The following SLC7A8 variants were observed in gnomAD, a reference collection of about 807,000 sequenced individuals.
The protein encoded by SLC7A8 is solute carrier family 7 member 8.
Under a neutral mutation model 51.2 loss-of-function variants are expected in SLC7A8, and 30 were observed. The ratio of observed to expected loss-of-function variants is 0.59; its 90% CI spans 0.44 to 0.80. The LOEUF (loss-of-function observed/expected upper bound fraction) is 0.80, where lower values mean the gene tolerates loss of function less well. Ranked by LOEUF, SLC7A8 falls within the 30% of genes least tolerant of loss-of-function variation. The probability of loss-of-function intolerance (pLI) is 0.00; values close to 1 mark genes in which losing one functional copy is unlikely to be tolerated. For synonymous variants in SLC7A8, 257 were observed against 275.8 expected (o/e 0.93, Z 0.67); for missense variants, 612 against 674.4 (o/e 0.91, Z 1.03).
chr14:23,171,841 G>A (rs887828830), intron 1 of SLC7A8, among the ~76,000 whole-genome samples: 6 of 152,340 alleles, frequency 3.9e-5, no homozygotes, highest in African/African-American at 1.4e-4. Flanking sequence ...TTCCCATCGG[G>A]ACTGTACAAA....
intron 1 of SLC7A8, among the ~76,000 whole-genome samples, chr14:23,172,606 G>A (rs2048980444): frequency 6.6e-6 from 1 of 152,198 alleles, no homozygotes; most frequent in Non-Finnish European, 1.5e-5. Context: ...GGGGAGCCAG[G>A]CATCCACAGT....
intron 3 of SLC7A8, among the ~76,000 whole-genome samples, chr14:23,151,349 G>A (rs191056453): frequency 1.1e-4 from 16 of 152,308 alleles, no homozygotes; most frequent in African/African-American, 3.4e-4. Context: ...TAAATATCAG[G>A]TTTAATATGT....
In SLC7A8 at chr14:23,131,499, C is replaced by G. The variant is rs760437691; in HGVS notation, c.1075G>C (p.Val359Leu). ...HLPSVLAMIHVKRCTPIPALL... is the reference protein window; with the variant it reads ...HLPSVLAMIHLKRCTPIPALL... ...GCTGGGATTGGGGTGCAGCGCTTCACGTGGATCATGGCCAACACACTGGGA... is the reference window on the plus strand; with the variant it reads ...GCTGGGATTGGGGTGCAGCGCTTCAGGTGGATCATGGCCAACACACTGGGA... Residue 359 changes from valine to leucine, a missense_variant, in exon 8 of 11, where the codon GTG becomes CTG. Physicochemically the swap from Val to Leu is conservative, Grantham distance 32. Transcript: ENST00000316902. 4 of 1,609,438 alleles carry G rather than the reference C, an allele frequency of 2.5e-6. No homozygotes were observed. Among genetic ancestry groups the G allele is most frequent in the Non-Finnish European group, 3.4e-6 (4 of 1,178,142 alleles).
At chr14:23,155,117 G>T in intron 3 of SLC7A8, 3 of 1,503,558 alleles carry the variant, frequency 2.0e-6, no homozygotes, top group Non-Finnish European at 2.7e-6. Context: ...CCTATCGCAC[G>T]ATAGTAACAT....
At position 23,177,974 on chromosome 14, in the gene SLC7A8, TA is replaced by T. The variant is rs1332188287; in HGVS notation, c.151+4789del. On this transcript the variant is annotated intron_variant, in intron 1 of 10. Coordinates refer to ENST00000316902, the MANE Select transcript of SLC7A8 (RefSeq NM_012244.4). ...AGATAAAAATAGAAATAGTGAAGAA[TA>T]ATGCTTACAAGCTTGATTCAGGATG... Among the ~76,000 whole-genome samples, 9 of 152,362 alleles carry T rather than the reference TA, an allele frequency of 5.9e-5. No homozygotes were observed. In the East Asian group the frequency reaches 1.7e-3, roughly 29 times the overall value.
intron 7 of SLC7A8, among the ~76,000 whole-genome samples, chr14:23,135,704 A>G (rs2048684379): frequency 6.6e-6 from 1 of 151,844 alleles, no homozygotes; most frequent in South Asian, 2.1e-4. Context: ...TCTGCCTTAA[A>G]AAAAAAAGAA....
intron 4 of SLC7A8, 51 bp from the exon 5 acceptor site, chr14:23,140,675 A>G: frequency 2.5e-6 from 4 of 1,573,210 alleles, no homozygotes; most frequent in Middle Eastern, 2.1e-4. Context: ...TCAGGGGCCC[A>G]GCAGCCCCTG....
chr14:23,153,958 CA>C lies in SLC7A8; in HGVS notation c.509-10755del, dbSNP rs1247031392. On this transcript the variant is annotated intron_variant, in intron 3 of 10. Transcript: ENST00000316902. ...TGGTGAAGAAGAGAGGGAAAGAGCA[CA>C]AGAAACCACAGGGCGGGAGAGAGCA... Among the ~76,000 whole-genome samples the C allele has an allele frequency of 2.0e-5, 3 of 152,014 alleles. No homozygotes were observed. The East Asian group carries it at 5.8e-4, about 29-fold the overall frequency.
chr14:23,150,129 A>G (rs1440740301), intron 3 of SLC7A8, among the ~76,000 whole-genome samples: 1 of 152,242 alleles, frequency 6.6e-6, no homozygotes, highest in Admixed American at 6.5e-5. Flanking sequence ...TGCCTTTTGA[A>G]ATAGAACACC....
chr14:23,142,973 T>A, intron 4 of SLC7A8, 106 bp downstream of exon 4: 1 of 1,406,144 alleles, frequency 7.1e-7, no homozygotes. Flanking sequence ...AAGGCTAGAA[T>A]TGGGGAAATC....
intron 4 of SLC7A8, among the ~76,000 whole-genome samples, chr14:23,140,909 T>C (rs1346189477): frequency 5.9e-5 from 9 of 152,214 alleles, no homozygotes; most frequent in Non-Finnish European, 1.5e-5. Context: ...AAGGACATGG[T>C]AAATTGGGCT....
intron 3 of SLC7A8, among the ~76,000 whole-genome samples, chr14:23,150,427 G>T (rs554424062): frequency 6.6e-6 from 1 of 152,316 alleles, no homozygotes; most frequent in South Asian, 2.1e-4. Context: ...AAGGGAAGGA[G>T]GCAGAGTCGG....
chr14:23,173,517 T>A (rs1480257519), intron 1 of SLC7A8, among the ~76,000 whole-genome samples: 38 of 152,340 alleles, frequency 2.5e-4, no homozygotes, highest in Non-Finnish European at 7.4e-5. Flanking sequence ...GAGTTGGGGG[T>A]GGGAACCACT....
At position 23,140,638 on chromosome 14, in the gene SLC7A8, C is replaced by T. The variant is rs1190997550; in HGVS notation, c.635-14G>A. The T allele has an allele frequency of 6.2e-7, 1 of 1,602,926 alleles. No individual in the cohort carries two copies. ...AGAAGTACTCTCCTGTGGACACAAGCAACAGGAGGCCGCTCAGTGAGACAA... is the reference window on the plus strand; with the variant it reads ...AGAAGTACTCTCCTGTGGACACAAGTAACAGGAGGCCGCTCAGTGAGACAA... On this transcript the variant is annotated splice_polypyrimidine_tract_variant and intron_variant, in intron 4 of 10. Coordinates refer to ENST00000316902, the MANE Select transcript of SLC7A8 (RefSeq NM_012244.4).
At chr14:23,152,172 C>G (rs958858853) in intron 3 of SLC7A8, among the ~76,000 whole-genome samples, 1 of 152,180 alleles carries the variant, frequency 6.6e-6, no homozygotes, top group African/African-American at 2.4e-5. Context: ...TTCTGTCACC[C>G]AGGCTGGAAT....
chr14:23,152,037 CAAACAAAACAAAACAA>C (rs1244467130), intron 3 of SLC7A8, among the ~76,000 whole-genome samples: 1 of 151,378 alleles, frequency 6.6e-6, no homozygotes, highest in South Asian at 2.1e-4. Flanking sequence ...GATTCCACCT[CAAACAAAACAAAACAA>C]AAACAAAACA....
rs1235356110 is a variant in SLC7A8 at position 23,127,331 on chromosome 14, AG to A, written c.1453del (p.Leu485TrpfsTer2). The A allele has an allele frequency of 6.2e-7, 1 of 1,614,038 alleles. No homozygotes were observed. Among genetic ancestry groups the A allele is most frequent in the Non-Finnish European group, 8.5e-7 (1 of 1,179,922 alleles). ...GACCACACACATCTTCTGGCTCACC[AG>A]GGTTAGCAGCTCTGTAGGAAGAGAT... is the stretch of plus-strand genomic sequence containing the variant. ...CFSDFIELLT[L>X]VSQKMCVVVY... On this transcript the variant is annotated frameshift_variant, in exon 11 of 11. Coordinates refer to ENST00000316902, the MANE Select transcript of SLC7A8 (RefSeq NM_012244.4). LOFTEE classifies it low-confidence loss of function (END_TRUNC).
At chr14:23,163,217 C>T (rs560675197) in intron 3 of SLC7A8, among the ~76,000 whole-genome samples, 22 of 152,300 alleles carry the variant, frequency 1.4e-4, no homozygotes, top group African/African-American at 5.1e-4. Flanking sequence ...AGGGTGTCCC[C>T]TTCCTTCTCT....
Position 23,143,157 on chromosome 14 carries a change from C to T in SLC7A8, c.556G>A (p.Val186Ile), listed in dbSNP as rs199779235. The T allele has an allele frequency of 3.7e-6, 6 of 1,614,174 alleles. No individual in the cohort carries two copies. Among genetic ancestry groups the T allele is most frequent in the South Asian group, 1.1e-5 (1 of 91,086 alleles). Residue 186 changes from valine to isoleucine, a missense_variant, in exon 4 of 11, where the codon GTT becomes ATT. Val to Ile is a conservative substitution (Grantham distance 29). Coordinates refer to ENST00000316902, the MANE Select transcript of SLC7A8 (RefSeq NM_012244.4). The stretch of plus-strand genomic sequence containing the variant: ...TTCCCAGCTGTGAAGATGTCTTGAA[C>T]CCGGGTGGCCCACCGCACACTGGAA... ...NCSSVRWATR[V>I]QDIFTAGKLL...
Sources: gnomAD v4.1 joint callset for allele counts (sites outside exome capture counted in the v4.1 genomes callset) on GRCh38, gnomAD v4.1.1 for gene constraint, MANE v1.5 for transcripts, NCBI Gene and HGNC (gene_info 2026-07-23, HGNC 2026-07-21) for gene names.